Variants in VRK2 observed in about 807,000 individuals in gnomAD.
The protein encoded by VRK2 is serine/threonine-protein kinase VRK2.
Under a neutral mutation model 57.6 loss-of-function variants are expected in VRK2, and 60 were observed. That is an observed-to-expected ratio of 1.04 (90% CI 0.85 to 1.29). VRK2 has a LOEUF of 1.29. Among genes scored for constraint, VRK2 ranks in the 50% most tolerant of loss-of-function variants. The pLI is 0.00. For synonymous variants in VRK2, 231 were observed against 199.2 expected (o/e 1.16, Z -1.35); for missense variants, 705 against 588.1 (o/e 1.20, Z -2.06).
chr2:58,107,954 C>T (rs895356441), intron 7 of VRK2, among the ~76,000 whole-genome samples: 4 of 152,142 alleles, frequency 2.6e-5, no homozygotes, highest in Admixed American at 1.3e-4. Context: ...GCGTGAGAAG[C>T]AGGAAAGCAG....
rs964954799 is a variant in VRK2 at position 58,046,858 on chromosome 2, C to T, written c.-16C>T. The T allele has an allele frequency of 7.1e-6, 7 of 985,270 alleles. No individual in the cohort carries two copies. Among genetic ancestry groups the T allele is most frequent in the African/African-American group, 1.7e-5 (1 of 57,226 alleles). 61.0% of individuals were successfully genotyped at this position (985,270 alleles called of 1,614,324 possible). A position where few individuals can be genotyped will look rare whatever the true frequency, so the allele number is the denominator to read the frequency against. On this transcript the variant is annotated 5_prime_UTR_variant, in exon 1 of 13. Transcript: ENST00000340157. ...TGCGCGCGGCCCGGCGACGGGGGAT[C>T]CTGAGGCCCGGTCAGTCTCTTGCTC... is the stretch of plus-strand genomic sequence containing the variant.
intron 1 of VRK2, among the ~76,000 whole-genome samples, chr2:57,931,181 G>A (rs1670711613): frequency 6.6e-6 from 1 of 151,872 alleles, no homozygotes; most frequent in East Asian, 1.9e-4. Context: ...TGGACCATAC[G>A]GTAGTTTTAT....
At chr2:57,996,701 A>G (rs1157796632) in intron 1 of VRK2, among the ~76,000 whole-genome samples, 4 of 152,170 alleles carry the variant, frequency 2.6e-5, no homozygotes, top group African/African-American at 7.2e-5. Context: ...TGTTATTATT[A>G]TACTATTTTT....
chr2:58,064,054 C>A (rs1361786083), intron 2 of VRK2, among the ~76,000 whole-genome samples: 1 of 152,062 alleles, frequency 6.6e-6, no homozygotes, highest in Non-Finnish European at 1.5e-5. Context: ...CTCATGATAA[C>A]ATTTAATTCA....
chr2:58,135,053 T>C, intron 9 of VRK2, 88 bp from the exon 10 acceptor site: 3 of 1,425,442 alleles, frequency 2.1e-6, no homozygotes, highest in South Asian at 1.2e-5. Flanking sequence ...TTTGGTGACC[T>C]ACCAACACAT....
intron 1 of VRK2, among the ~76,000 whole-genome samples, chr2:58,002,366 T>A (rs1355444515): frequency 1.3e-5 from 2 of 152,008 alleles, no homozygotes; most frequent in Non-Finnish European, 2.9e-5. Context: ...TAATCCCAGC[T>A]ACTCGGGAGG....
chr2:58,008,188 C>T (rs1673310620), intron 1 of VRK2, among the ~76,000 whole-genome samples: 1 of 151,992 alleles, frequency 6.6e-6, no homozygotes, highest in South Asian at 2.1e-4. Flanking sequence ...CTAAAAACTC[C>T]TTTTGAATAT....
intron 1 of VRK2, among the ~76,000 whole-genome samples, chr2:57,957,564 A>G (rs1238828790): frequency 1.3e-5 from 2 of 148,774 alleles, no homozygotes; most frequent in Non-Finnish European, 3.0e-5. Flanking sequence ...AAGTATATGT[A>G]GATATATATA....
intron 1 of VRK2, among the ~76,000 whole-genome samples, chr2:57,965,142 G>A (rs921881520): frequency 6.6e-6 from 1 of 151,996 alleles, no homozygotes. Flanking sequence ...TTTAACATTA[G>A]GATACCTTGA....
chr2:58,072,224 G>A (rs1174313060), intron 2 of VRK2, among the ~76,000 whole-genome samples: 7 of 151,818 alleles, frequency 4.6e-5, no homozygotes, highest in Non-Finnish European at 1.0e-4. Flanking sequence ...GAACAAAGAT[G>A]GTTTTATTTC....
intron 7 of VRK2, among the ~76,000 whole-genome samples, chr2:58,114,779 C>G (rs1013893289): frequency 1.9e-4 from 29 of 152,016 alleles, no homozygotes; most frequent in Non-Finnish European, 3.4e-4. Context: ...GGTGGGAAGG[C>G]TAAACTGAGG....
At chr2:57,964,660 G>A (rs1277720110) in intron 1 of VRK2, among the ~76,000 whole-genome samples, 7 of 152,056 alleles carry the variant, frequency 4.6e-5, no homozygotes, top group African/African-American at 1.7e-4. Flanking sequence ...CAAGGTGGGC[G>A]GATCACCTGA....
At chr2:58,008,079 G>T (rs1673306948) in intron 1 of VRK2, among the ~76,000 whole-genome samples, 1 of 151,968 alleles carries the variant, frequency 6.6e-6, no homozygotes, top group African/African-American at 2.4e-5. Flanking sequence ...ATTTTTTAAA[G>T]AACTATAAGT....
intron 2 of VRK2, among the ~76,000 whole-genome samples, chr2:58,028,120 C>T (rs1387444487): frequency 6.6e-6 from 1 of 152,130 alleles, no homozygotes; most frequent in Non-Finnish European, 1.5e-5. Context: ...GAATACTGCA[C>T]CTGGACTCGC....
At chr2:58,000,163 T>C (rs1673048705) in intron 1 of VRK2, among the ~76,000 whole-genome samples, 1 of 152,210 alleles carries the variant, frequency 6.6e-6, no homozygotes, top group South Asian at 2.1e-4. Flanking sequence ...TAAACTATTG[T>C]AGAGAAGGCA....
intron 1 of VRK2, among the ~76,000 whole-genome samples, chr2:57,978,099 T>C (rs1403559074): frequency 6.6e-6 from 1 of 151,266 alleles, no homozygotes; most frequent in African/African-American, 2.5e-5. Flanking sequence ...CTTTTTTTTC[T>C]ACTTTAAGAG....
At chr2:58,006,744 C>A (rs1363915982) in intron 1 of VRK2, among the ~76,000 whole-genome samples, 2 of 152,200 alleles carry the variant, frequency 1.3e-5, no homozygotes, top group Non-Finnish European at 2.9e-5. Flanking sequence ...TGGCCTTGAA[C>A]TGACCTATGG....
intron 1 of VRK2, among the ~76,000 whole-genome samples, chr2:57,997,706 C>T (rs1672967435): frequency 6.6e-6 from 1 of 151,980 alleles, no homozygotes; most frequent in South Asian, 2.1e-4. Flanking sequence ...AGTTTGAGAC[C>T]AGCCTGGGCA....
chr2:58,158,803 T>TATC (rs1303604230), intron 12 of VRK2, among the ~76,000 whole-genome samples: 3 of 152,166 alleles, frequency 2.0e-5, no homozygotes, highest in East Asian at 1.9e-4. Context: ...TTTATATTAA[T>TATC]ATCTATTCGG....
Sources: gnomAD v4.1 joint callset for allele counts (sites outside exome capture counted in the v4.1 genomes callset) on GRCh38, gnomAD v4.1.1 for gene constraint, MANE v1.5 for transcripts, NCBI Gene and HGNC (gene_info 2026-07-23, HGNC 2026-07-21) for gene names.